Variants in PNPLA7 observed in about 807,000 individuals in gnomAD.
PNPLA7 encodes the protein patatin-like phospholipase domain-containing protein 7.
In PNPLA7, 153 loss-of-function variants were observed where a neutral mutation model predicts 161.7. The ratio of observed to expected loss-of-function variants is 0.95; its 90% CI spans 0.83 to 1.08. PNPLA7 has a LOEUF of 1.08. PNPLA7 is among the 50% of genes least tolerant of loss of function. The pLI, the probability that PNPLA7 is intolerant of heterozygous loss-of-function variation, is 0.00. For missense variants in PNPLA7, 1,739 were observed against 1,856.6 expected (o/e 0.94, Z 1.16); for synonymous variants, 809 against 782.1 (o/e 1.03, Z -0.57).
At chr9:137,503,901 GGAAGAAGAAA>G (rs1402534076) in intron 14 of PNPLA7, among the ~76,000 whole-genome samples, 6 of 92,490 alleles carry the variant, frequency 6.5e-5, no homozygotes, top group South Asian at 3.7e-4. Flanking sequence ...AGAAGAAGAA[GGAAGAAGAAA>G]GAAGAAGGAA....
chr9:137,520,159 G>A lies in PNPLA7; in HGVS notation c.958-116C>T, dbSNP rs1834912535. The A allele has an allele frequency of 2.1e-6, 3 of 1,458,392 alleles. No homozygotes were observed. Among genetic ancestry groups the A allele is most frequent in the African/African-American group, 2.8e-5 (2 of 71,140 alleles). 90.3% of individuals were successfully genotyped at this position (1,458,392 alleles called of 1,614,324 possible). On this transcript the variant is annotated intron_variant, in intron 10 of 34. Coordinates refer to ENST00000406427, the MANE Select transcript of PNPLA7 (RefSeq NM_001098537.3). The surrounding 1 kb of genome is among the most constrained non-coding windows in gnomAD (Gnocchi z 5.2). ...GCTCCTCAAAGGTGTGACAGGTGTG[G>A]GCCCCTCAAAGGTGTGACAGGTGTG...
At position 137,521,785 on chromosome 9, in the gene PNPLA7, C is replaced by T. The variant is rs533725241; in HGVS notation, c.877-69G>A. On this transcript the variant is annotated intron_variant, in intron 9 of 34. Coordinates refer to ENST00000406427, the MANE Select transcript of PNPLA7 (RefSeq NM_001098537.3). ...ACAGGGCGGGCCCCCGGCAGCACCA[C>T]ACAGAGCACTGAGAACCGTGCCCCA... 46 of 1,390,846 alleles carry T rather than the reference C, an allele frequency of 3.3e-5. No individual in the cohort carries two copies. The African/African-American group carries it at 5.2e-4, about 16-fold the overall frequency. 86.2% of individuals were successfully genotyped at this position (1,390,846 alleles called of 1,614,324 possible).
At chr9:137,472,635 A>AGC (rs1831758690) in intron 25 of PNPLA7, among the ~76,000 whole-genome samples, 4 of 142,900 alleles carry the variant, frequency 2.8e-5, no homozygotes, top group African/African-American at 5.2e-5. Flanking sequence ...TGGGTGACAG[A>AGC]ATGAGACTCC....
intron 10 of PNPLA7, 57 bp downstream of exon 10, chr9:137,521,579 G>C: frequency 6.4e-7 from 1 of 1,573,746 alleles, no homozygotes; most frequent in South Asian, 1.1e-5. Flanking sequence ...ACCAATAGCT[G>C]TCCCGATGCC....
At chr9:137,528,488 G>T (rs1333422054) in intron 8 of PNPLA7, among the ~76,000 whole-genome samples, 1 of 151,968 alleles carries the variant, frequency 6.6e-6, no homozygotes, top group Non-Finnish European at 1.5e-5. Context: ...CACCATGTTG[G>T]CCAGGCTGAT....
rs1174859911 is a variant in PNPLA7 at position 137,480,497 on chromosome 9, G to C, written c.2412-17C>G. The C allele has an allele frequency of 6.3e-7, 1 of 1,594,224 alleles. No individual in the cohort carries two copies. Among genetic ancestry groups the C allele is most frequent in the Admixed American group, 1.7e-5 (1 of 57,688 alleles). On this transcript the variant is annotated splice_polypyrimidine_tract_variant and intron_variant, in intron 22 of 34. Transcript: ENST00000406427. ...TCGTGAACACTGCAGCACGCAGAGG[G>C]AGTACCTCACTACTCCGCAGGGGCC...
At chr9:137,546,955 G>C (rs899487908) in intron 3 of PNPLA7, 46 bp from the exon 4 acceptor site, 1 of 1,577,774 alleles carries the variant, frequency 6.3e-7, no homozygotes, top group African/African-American at 1.3e-5. Context: ...CGTGGCACAG[G>C]CCTGGTCCTG....
chr9:137,497,299 T>C lies in PNPLA7; in HGVS notation c.1901A>G (p.Lys634Arg). The change falls in exon 18 of 35, where the codon AAG becomes AGG. Residue 634 changes from lysine (K) to arginine (R), a missense_variant. Coordinates refer to ENST00000406427, the MANE Select transcript of PNPLA7 (RefSeq NM_001098537.3). ...GAGCATGATGTACGTGCAGTCGGACTTGTCCCCCTGCCTGCGGAAGACACA... is the reference window on the plus strand; with the variant it reads ...GAGCATGATGTACGTGCAGTCGGACCTGTCCCCCTGCCTGCGGAAGACACA... ...AGRAIYRQGDKSDCTYIMLSG... is the reference protein window; with the variant it reads ...AGRAIYRQGDRSDCTYIMLSG... 1 of 1,571,474 alleles carries C rather than the reference T, an allele frequency of 6.4e-7. No individual in the cohort carries two copies.
intron 7 of PNPLA7, 76 bp downstream of exon 7, chr9:137,542,566 G>A (rs1313846466): frequency 2.4e-5 from 34 of 1,400,212 alleles, no homozygotes; most frequent in Non-Finnish European, 2.9e-5. Context: ...AATGAGAAAC[G>A]TTTTACAGCC....
In PNPLA7 at chr9:137,540,881, T is replaced by C. The variant is rs1014432886; in HGVS notation, c.667-159A>G. 1 of 625,392 alleles carries C rather than the reference T, an allele frequency of 1.6e-6. No homozygotes were observed. The highest frequency in any genetic ancestry group is 2.9e-6 in the Non-Finnish European group (1 of 348,242). The allele number at this position is 625,392 out of a possible 1,614,324, so 38.7% of individuals were successfully genotyped here. ...CTTGGATGGAGGGCAGGGGACAAGATGGACCTGCTGGCATCAGGGGTACAA... is the reference window on the plus strand; with the variant it reads ...CTTGGATGGAGGGCAGGGGACAAGACGGACCTGCTGGCATCAGGGGTACAA... On this transcript the variant is annotated intron_variant, in intron 7 of 34. Transcript: ENST00000406427. This position sits in a 1 kb window ranked among gnomAD's most constrained non-coding sequence, Gnocchi z 5.1.
intron 15 of PNPLA7, 82 bp downstream of exon 15, chr9:137,501,568 C>T: frequency 7.3e-7 from 1 of 1,372,006 alleles, no homozygotes; most frequent in South Asian, 1.3e-5. Flanking sequence ...GGTGTCCAGT[C>T]CAGGCCCTCC....
chr9:137,501,818 C>G (rs530845449), intron 14 of PNPLA7, 91 bp from the exon 15 acceptor site: 2 of 1,345,010 alleles, frequency 1.5e-6, no homozygotes, highest in Admixed American at 4.0e-5. Context: ...TCAGGGGCAA[C>G]GAGCGGTGAG....
In PNPLA7 at chr9:137,467,262, C is replaced by T. The variant is rs1290438890; in HGVS notation, c.3039+55G>A. The stretch of plus-strand genomic sequence containing the variant: ...GGCCAACGGCCCCAGCGTCCCCCAG[C>T]ACCAGCAAGGACCTGGGGGCTGTGC... On this transcript the variant is annotated intron_variant, in intron 26 of 34. Coordinates refer to ENST00000406427, the MANE Select transcript of PNPLA7 (RefSeq NM_001098537.3). The surrounding 1 kb of genome is among the most constrained non-coding windows in gnomAD (Gnocchi z 5.1). 4 of 1,550,166 alleles carry T rather than the reference C, an allele frequency of 2.6e-6. No individual in the cohort carries two copies. The Admixed American group carries it at 7.6e-5, about 29-fold the overall frequency.
rs774820001 is a variant in PNPLA7, at chr9:137,550,156, C to G, written c.30+12G>C. On this transcript the variant is annotated intron_variant, in intron 1 of 34. Coordinates refer to ENST00000406427, the MANE Select transcript of PNPLA7 (RefSeq NM_001098537.3). ...TGGGAAATCCAGGCATCTGGTCCCCCGAGTTACATACCTGTGGGCTGTCAT... is the reference window on the plus strand; with the variant it reads ...TGGGAAATCCAGGCATCTGGTCCCCGGAGTTACATACCTGTGGGCTGTCAT... The G allele has an allele frequency of 6.2e-7, 1 of 1,612,822 alleles. No homozygotes were observed. Among genetic ancestry groups the G allele is most frequent in the Non-Finnish European group, 8.5e-7 (1 of 1,179,754 alleles).
intron 33 of PNPLA7, chr9:137,461,329 G>A (rs1019616706): frequency 9.5e-6 from 5 of 528,238 alleles, no homozygotes; most frequent in African/African-American, 1.9e-5. Context: ...GGGGCTGGGT[G>A]ACCCGGGGTG....
At chr9:137,511,092 G>A (rs1044201152) in intron 12 of PNPLA7, among the ~76,000 whole-genome samples, 9 of 152,262 alleles carry the variant, frequency 5.9e-5, no homozygotes, top group Non-Finnish European at 7.3e-5. Flanking sequence ...GATAAGGGCC[G>A]CTTGAGGGCT....
intron 9 of PNPLA7, among the ~76,000 whole-genome samples, chr9:137,522,317 G>T (rs2353073): frequency 6.9e-6 from 1 of 145,764 alleles, no homozygotes; most frequent in Non-Finnish European, 1.5e-5. Context: ...CTCGTGATCC[G>T]CCCACCTCGG....
intron 19 of PNPLA7, among the ~76,000 whole-genome samples, 155 bp downstream of exon 19, chr9:137,494,878 C>G (rs1353334814): frequency 2.7e-5 from 4 of 149,554 alleles, no homozygotes; most frequent in Non-Finnish European, 5.9e-5. Flanking sequence ...TGCTCCGTGA[C>G]CTCATCCACT....
chr9:137,464,149 G>A lies in PNPLA7; in HGVS notation c.3203C>T (p.Ser1068Leu), dbSNP rs746672559. 2.5e-5 allele frequency: 40 copies of A among 1,613,644 alleles called. 2 individuals are homozygous for A. The highest frequency in any genetic ancestry group is 2.0e-4 in the South Asian group (18 of 91,066). ...YFAITTDITASAMRVHTDGSL... is the reference protein window; with the variant it reads ...YFAITTDITALAMRVHTDGSL... ...ACCGTCGGTGTGGACCCGCATGGCC[G>A]AGGCTGTGATGTCGGTGGTGATGGC... The change falls in exon 28 of 35, where the codon TCG becomes TTG. Residue 1068 changes from serine to leucine, a missense_variant. Ser to Leu is a moderately radical substitution (Grantham distance 145, BLOSUM62 -2). Around this residue, in one of 6 missense-constraint regions of PNPLA7, gnomAD observed 703 missense variants for 694.6 expected, o/e 1.01. Coordinates refer to ENST00000406427, the MANE Select transcript of PNPLA7 (RefSeq NM_001098537.3).
Sources: gnomAD v4.1 joint callset for allele counts (sites outside exome capture counted in the v4.1 genomes callset) on GRCh38, gnomAD v4.1.1 for gene constraint, gnomAD v4.1.1 regional missense constraint, Gnocchi (gnomAD v3.1) non-coding constraint, MANE v1.5 for transcripts, NCBI Gene and HGNC (gene_info 2026-07-23, HGNC 2026-07-21) for gene names.